Variants in SNAP91 observed in about 807,000 individuals in gnomAD.
SNAP91 encodes the protein clathrin coat assembly protein AP180.
In SNAP91, 27 loss-of-function variants were observed where a neutral mutation model predicts 100.3. The ratio of observed to expected loss-of-function variants is 0.27; its 90% confidence interval spans 0.20 to 0.37. The LOEUF is 0.37. SNAP91 is among the 10% of genes least tolerant of loss of function. The pLI, the probability that SNAP91 is intolerant of heterozygous loss-of-function variation, is 1.00. For synonymous variants in SNAP91, 404 were observed against 398.6 expected (o/e 1.01, Z -0.16); for missense variants, 986 against 1,123.7 (o/e 0.88, Z 1.75).
At chr6:83,686,266 T>C (rs2099059158) in intron 2 of SNAP91, 1 of 862,480 alleles carries the variant, frequency 1.2e-6, no homozygotes, top group Non-Finnish European at 1.4e-6. Context: ...CAGGTAATAG[T>C]TGGTTACTCA....
Position 83,593,358 on chromosome 6 carries a change from T to C in SNAP91, c.1697-99A>G. 7.3e-6 allele frequency: 11 copies of C among 1,515,870 alleles called. No homozygotes were observed. In the South Asian group the frequency reaches 1.4e-4, roughly 19 times the overall value. 93.9% of individuals were successfully genotyped at this position (1,515,870 alleles called of 1,614,324 possible). ...AATTAGCACTTTGAAGAACTCTGAA[T>C]TAAGCAGCAAATGGTTTCTAGAGAA... On this transcript the variant is annotated intron_variant, in intron 18 of 29. Coordinates refer to ENST00000369694, the MANE Select transcript of SNAP91 (RefSeq NM_001242792.2).
chr6:83,692,789 C>A (rs1235919778), intron 2 of SNAP91, among the ~76,000 whole-genome samples: 1 of 152,144 alleles, frequency 6.6e-6, no homozygotes, highest in Non-Finnish European at 1.5e-5. Flanking sequence ...GAGACTGGCT[C>A]AAGGACAGTC....
chr6:83,665,504 T>C lies in SNAP91; in HGVS notation c.208A>G (p.Ser70Gly), dbSNP rs745957857. 6.2e-6 allele frequency: 10 copies of C among 1,612,930 alleles called. No homozygotes were observed. Among genetic ancestry groups the C allele is most frequent in the South Asian group, 1.1e-5 (1 of 91,050 alleles). ...GCCTTAAACACAACCACCCAGCTAC[T>C]GTTTGTTGCCCGCTCAAAGAGAGTG... is the stretch of plus-strand genomic sequence containing the variant. ...ADTLFERATN[S>G]SWVVVFKALV... Residue 70 changes from serine to glycine, a missense_variant, in exon 3 of 30, where the codon AGT (serine) becomes GGT (glycine). Physicochemically the swap from Ser to Gly is moderately conservative, Grantham distance 56. Around this residue, in one of 4 missense-constraint regions of SNAP91, gnomAD observed 330 missense variants for 447.5 expected, o/e 0.74. Transcript: ENST00000369694.
intron 2 of SNAP91, chr6:83,689,552 A>G (rs1010922035): frequency 6.6e-6 from 1 of 152,150 alleles, no homozygotes; most frequent in African/African-American, 2.4e-5. Context: ...AGCACTAAAA[A>G]TGAAAACCTC....
At chr6:83,621,747 T>C (rs1399052650) in intron 9 of SNAP91, among the ~76,000 whole-genome samples, 2 of 152,122 alleles carry the variant, frequency 1.3e-5, no homozygotes, top group Non-Finnish European at 2.9e-5. Context: ...CTAAGTATGA[T>C]AGATGAGGAC....
chr6:83,623,868 A>G (rs973263647), intron 8 of SNAP91, among the ~76,000 whole-genome samples: 9 of 152,104 alleles, frequency 5.9e-5, no homozygotes, highest in Non-Finnish European at 1.2e-4. Context: ...TACAACACAA[A>G]TAATAACATA....
intron 28 of SNAP91, among the ~76,000 whole-genome samples, chr6:83,557,254 T>G (rs1396534631): frequency 6.6e-6 from 1 of 152,164 alleles, no homozygotes; most frequent in Admixed American, 6.5e-5. Context: ...GGGGCAGTGT[T>G]GTATATTTTT....
chr6:83,605,801 G>A lies in SNAP91; in HGVS notation c.1025C>T (p.Thr342Ile), dbSNP rs1469923597. 1 of 1,527,834 alleles carries A rather than the reference G, an allele frequency of 6.5e-7. No homozygotes were observed. The highest frequency in any genetic ancestry group is 8.8e-7 in the Non-Finnish European group (1 of 1,136,596). The allele number at this position is 1,527,834 out of a possible 1,614,324, so 94.6% of individuals were successfully genotyped here. The stretch of plus-strand genomic sequence containing the variant: ...CAGGAGATCACTAGATGGTTTAGAA[G>A]TGCTGAAAGGAAAATAAAACATTAA... ...ATASAAVPVS[T>I]SKPSSDLLDL... Residue 342 changes from threonine (T) to isoleucine (I), a missense_variant and splice_region_variant, in exon 14 of 30, where the codon ACT becomes ATT. Transcript: ENST00000369694.
rs1166202913 is a variant in SNAP91, at chr6:83,707,504, ATCTC to A, written c.130+290_130+293del. Among the ~76,000 whole-genome samples the A allele has an allele frequency of 1.3e-5, 2 of 149,392 alleles. 1 individual carries two copies. The highest frequency in any genetic ancestry group is 4.2e-4 in the South Asian group (2 of 4,720). On this transcript the variant is annotated intron_variant, in intron 2 of 29. Transcript: ENST00000369694. The stretch of plus-strand genomic sequence containing the variant: ...AAAAACATCTAATTCAGTGTGTACA[ATCTC>A]TCTCTTGTGTGTGTGTATATACATA...
At chr6:83,659,902 A>G (rs1562546579) in intron 5 of SNAP91, among the ~76,000 whole-genome samples, 1 of 152,210 alleles carries the variant, frequency 6.6e-6, no homozygotes, top group Non-Finnish European at 1.5e-5. Context: ...AAACAAAGGT[A>G]AGAGTTTAGC....
At chr6:83,600,823 A>G (rs13202187) in intron 16 of SNAP91, among the ~76,000 whole-genome samples, 12 of 152,202 alleles carry the variant, frequency 7.9e-5, no homozygotes, top group Non-Finnish European at 1.8e-4. Flanking sequence ...TTACTCTTAG[A>G]TTATTTTTTG....
At chr6:83,621,552 G>A (rs2128401541) in intron 9 of SNAP91, among the ~76,000 whole-genome samples, 1 of 152,008 alleles carries the variant, frequency 6.6e-6, no homozygotes, top group East Asian at 1.9e-4. Flanking sequence ...TAATGTTTCT[G>A]GGCTTCTTGA....
intron 29 of SNAP91, among the ~76,000 whole-genome samples, chr6:83,554,512 T>G (rs954779543): frequency 1.3e-5 from 2 of 152,168 alleles, no homozygotes; most frequent in Non-Finnish European, 2.9e-5. Context: ...ATGTATAGTT[T>G]CATTTTAGAT....
At chr6:83,604,270 T>C (rs2095475320) in intron 14 of SNAP91, among the ~76,000 whole-genome samples, 1 of 149,988 alleles carries the variant, frequency 6.7e-6, no homozygotes. Context: ...AATGCCCTTA[T>C]AAAATCTCTT....
Position 83,644,207 on chromosome 6 carries a change from A to AT in SNAP91, c.659-3006dup, listed in dbSNP as rs1404542892. On this transcript the variant is annotated intron_variant, in intron 7 of 29. Transcript: ENST00000369694. ...GAACCAGTGACCAAAATTTTAACCAATTTTTTTTTCTGTCTCCTCTGGATA... is the reference window on the plus strand; with the variant it reads ...GAACCAGTGACCAAAATTTTAACCAATTTTTTTTTTCTGTCTCCTCTGGATA... Among the ~76,000 whole-genome samples, 7 of 151,442 alleles carry AT rather than the reference A, an allele frequency of 4.6e-5. 1 individual carries two copies. Among genetic ancestry groups the AT allele is most frequent in the Middle Eastern group, 3.4e-3 (1 of 294 alleles).
At chr6:83,639,530 A>T (rs1229384184) in intron 8 of SNAP91, among the ~76,000 whole-genome samples, 7 of 152,204 alleles carry the variant, frequency 4.6e-5, no homozygotes. Context: ...ATTTAAAGAC[A>T]GACTCTTACA....
At chr6:83,632,029 G>A (rs951648249) in intron 8 of SNAP91, among the ~76,000 whole-genome samples, 5 of 152,046 alleles carry the variant, frequency 3.3e-5, no homozygotes, top group Non-Finnish European at 7.4e-5. Flanking sequence ...AGCAGTTCTT[G>A]TAGTGGTGGC....
chr6:83,610,409 T>C (rs1360619328), intron 12 of SNAP91, among the ~76,000 whole-genome samples: 1 of 151,164 alleles, frequency 6.6e-6, no homozygotes, highest in Non-Finnish European at 1.5e-5. Flanking sequence ...GTAATCAAAT[T>C]CATAGAGACA....
intron 2 of SNAP91, among the ~76,000 whole-genome samples, chr6:83,692,255 C>T (rs2099140551): frequency 6.6e-6 from 1 of 152,134 alleles, no homozygotes; most frequent in Non-Finnish European, 1.5e-5. Flanking sequence ...ATGTACTCGC[C>T]TGTAATGCTA....
Sources: gnomAD v4.1 joint callset for allele counts (sites outside exome capture counted in the v4.1 genomes callset) on GRCh38, gnomAD v4.1.1 for gene constraint, gnomAD v4.1.1 regional missense constraint, MANE v1.5 for transcripts, NCBI Gene and HGNC (gene_info 2026-07-23, HGNC 2026-07-21) for gene names.